Variants in PPEF2 observed in about 807,000 individuals in gnomAD.
PPEF2 encodes serine/threonine-protein phosphatase with EF-hands 2.
PPEF2 carries 84 observed loss-of-function variants against 84.7 expected under a neutral mutation model. That is an observed-to-expected ratio of 0.99 (90% CI 0.83 to 1.19). PPEF2 has a LOEUF of 1.19. Ranked by LOEUF, PPEF2 falls within the 50% of genes most tolerant of loss-of-function variation. The pLI is 0.00. For synonymous variants in PPEF2, 346 were observed against 345.2 expected (o/e 1.00, Z -0.03); for missense variants, 924 against 937.5 (o/e 0.99, Z 0.19).
Position 75,860,713 on chromosome 4 carries a change from GCTT to G in PPEF2, c.2213_2215del (p.Gln738_Ala739delinsPro), listed in dbSNP as rs1723976766. The G allele has an allele frequency of 1.2e-5, 19 of 1,614,118 alleles. No homozygotes were observed. The highest frequency in any genetic ancestry group is 1.5e-5 in the Non-Finnish European group (18 of 1,180,046). On this transcript the variant is annotated inframe_deletion, in exon 17 of 17. Transcript: ENST00000286719. ...GCAGCCACTGTCTTTAGCATTTGTA[GCTT>G]GTGGGCATTCTGAGGCATCGCCCTC...
At chr4:75,876,795 C>T (rs989638939) in intron 10 of PPEF2, 122 bp from the exon 11 acceptor site, 33 of 1,099,602 alleles carry the variant, frequency 3.0e-5, no homozygotes, top group South Asian at 6.5e-5. Flanking sequence ...CACTCAAGCC[C>T]GGGAGTTCAA....
rs182550882 is a variant in PPEF2, at chr4:75,863,130, A to T, written c.2008+1310T>A. Among the ~76,000 whole-genome samples the T allele has an allele frequency of 5.0e-4, 76 of 152,238 alleles. No homozygotes were observed. The East Asian group carries it at 7.1e-3, about 14-fold the overall frequency. On this transcript the variant is annotated intron_variant, in intron 16 of 16. Transcript: ENST00000286719. ...GAAAGTAGATTAGTGGTTGCCAGGG[A>T]CTCGTGGAGGAGGGATAGGGAATGA...
chr4:75,888,630 G>A (rs1724796687), intron 5 of PPEF2, among the ~76,000 whole-genome samples: 1 of 152,164 alleles, frequency 6.6e-6, no homozygotes, highest in Admixed American at 6.5e-5. Flanking sequence ...TTTCAGTAAA[G>A]TATGACTAAG....
chr4:75,865,504 C>T (rs759606177), intron 15 of PPEF2, among the ~76,000 whole-genome samples: 5 of 151,970 alleles, frequency 3.3e-5, no homozygotes, highest in South Asian at 4.2e-4. Flanking sequence ...TCTCCCACCT[C>T]GCCTCCCAAT....
chr4:75,860,666 C>T lies in PPEF2; in HGVS notation c.*1G>A. ...TTTGGGTGATGAAGACCAGGCTGTT[C>T]TTAGTGTGCACCTGGACTGCTGCAG... On this transcript the variant is annotated 3_prime_UTR_variant, in exon 17 of 17. Transcript: ENST00000286719. 1 of 1,613,852 alleles carries T rather than the reference C, an allele frequency of 6.2e-7. No individual in the cohort carries two copies. The highest frequency in any genetic ancestry group is 8.5e-7 in the Non-Finnish European group (1 of 1,179,934).
chr4:75,866,306 C>T lies in PPEF2; in HGVS notation c.1803G>A (p.Leu601=). 3 of 1,614,148 alleles carry T rather than the reference C, an allele frequency of 1.9e-6. No homozygotes were observed. Among genetic ancestry groups the T allele is most frequent in the Non-Finnish European group, 2.5e-6 (3 of 1,180,008 alleles). The stretch of plus-strand genomic sequence containing the variant: ...GCATCCGCCATGGCAGTCCTAGGTG[C>T]AACACAGACTCCACCGCTGCTGCCC... The part of the protein sequence containing the change: ...SDWAAAVESV[L]HLGLPWRMLR... The change falls in exon 15 of 17, where the codon TTG becomes TTA. Residue 601 remains leucine, a synonymous_variant. Coordinates refer to ENST00000286719, the MANE Select transcript of PPEF2 (RefSeq NM_006239.3).
Position 75,885,963 on chromosome 4 carries a change from C to T in PPEF2, c.579+889G>A, listed in dbSNP as rs576278956. On this transcript the variant is annotated intron_variant, in intron 7 of 16. Transcript: ENST00000286719. Reference sequence around the variant, plus strand: ...CGCGGAGGTTGCAGTGAGCCGAGATCGTGCCATTGCATTCCAGCCTCGGCG... The same window carrying T: ...CGCGGAGGTTGCAGTGAGCCGAGATTGTGCCATTGCATTCCAGCCTCGGCG... Among the ~76,000 whole-genome samples, 5 of 151,688 alleles carry T rather than the reference C, an allele frequency of 3.3e-5. No homozygotes were observed. In the South Asian group the frequency reaches 1.0e-3, roughly 32 times the overall value.
chr4:75,867,276 T>C (rs757139502), intron 14 of PPEF2, 37 bp downstream of exon 14: 1 of 1,526,548 alleles, frequency 6.6e-7, no homozygotes, highest in Non-Finnish European at 9.1e-7. Flanking sequence ...CTGGCTAGCT[T>C]CCTTCCTCTG....
intron 13 of PPEF2, 99 bp from the exon 14 acceptor site, chr4:75,867,518 G>A: frequency 1.1e-6 from 1 of 888,922 alleles, no homozygotes; most frequent in East Asian, 2.7e-5. Context: ...TAACATATCA[G>A]TCTCCCAAGA....
In PPEF2 at chr4:75,896,270, CCT is replaced by C. The variant is rs1725007601; in HGVS notation, c.54_55del (p.Arg18SerfsTer46). The C allele has an allele frequency of 6.2e-7, 1 of 1,614,010 alleles. No homozygotes were observed. Reference sequence around the variant, plus strand: ...TGGTTTGGAAAGTGGGAAACACGTACCTCTCTCTGCATTCTGGAAAGCAAAAT... The same window carrying C: ...TGGTTTGGAAAGTGGGAAACACGTACCTCTCTGCATTCTGGAAAGCAAAAT... On this transcript the variant is annotated frameshift_variant and splice_region_variant, in exon 2 of 17. Coordinates refer to ENST00000286719, the MANE Select transcript of PPEF2 (RefSeq NM_006239.3). LOFTEE classifies it high-confidence loss of function.
At chr4:75,888,103 T>A (rs1032998386) in intron 6 of PPEF2, 111 bp downstream of exon 6, 3 of 784,194 alleles carry the variant, frequency 3.8e-6, no homozygotes, top group Non-Finnish European at 6.6e-6. Flanking sequence ...GGGGTTAAAT[T>A]TGGCTTATCA....
rs761383219 is a variant in PPEF2 at position 75,884,739 on chromosome 4, G to A, written c.601C>T (p.Arg201Trp). The A allele has an allele frequency of 1.9e-5, 30 of 1,597,302 alleles. No homozygotes were observed. The highest frequency in any genetic ancestry group is 2.4e-5 in the Non-Finnish European group (28 of 1,174,338). ...FYKNGLPSPERSYVFNGDFVD... is the reference protein window; with the variant it reads ...FYKNGLPSPEWSYVFNGDFVD... ...AAGTCACCGTTGAACACATATGACC[G>A]TTCTGGCGACGGGAGGCCATTCTTT... The change falls in exon 8 of 17, where the codon CGG becomes TGG. Residue 201 changes from arginine (R) to tryptophan (W), a missense_variant. Coordinates refer to ENST00000286719, the MANE Select transcript of PPEF2 (RefSeq NM_006239.3).
intron 7 of PPEF2, among the ~76,000 whole-genome samples, chr4:75,886,009 T>TA (rs35789945): frequency 0.74 from 106,756 of 144,156 alleles, 39,735 homozygotes; most frequent in East Asian, 0.97. Context: ...AACTCTGTCT[T>TA]AAAAAAAAAA....
rs1243449386 is a variant in PPEF2, at chr4:75,873,029, G to C, written c.1506+98C>G. Reference sequence around the variant, plus strand: ...GTAGGTAACAAATACAAGGTCTGTAGGTTGTTAGAAACTGAGAGCCTTTGC... The same window carrying C: ...GTAGGTAACAAATACAAGGTCTGTACGTTGTTAGAAACTGAGAGCCTTTGC... On this transcript the variant is annotated intron_variant, in intron 12 of 16. Coordinates refer to ENST00000286719, the MANE Select transcript of PPEF2 (RefSeq NM_006239.3). The C allele has an allele frequency of 5.9e-6, 7 of 1,195,322 alleles. 1 individual carries two copies. The Middle Eastern group carries it at 6.7e-4, about 115-fold the overall frequency. The allele number at this position is 1,195,322 out of a possible 1,614,324, so 74.0% of individuals were successfully genotyped here.
intron 5 of PPEF2, 39 bp from the exon 6 acceptor site, chr4:75,888,367 T>C: frequency 6.9e-7 from 1 of 1,456,958 alleles, no homozygotes; most frequent in Non-Finnish European, 9.6e-7. Flanking sequence ...AAAACAACAC[T>C]GATATTCGTG....
intron 10 of PPEF2, 161 bp downstream of exon 10, chr4:75,882,765 T>G: frequency 1.4e-6 from 1 of 711,450 alleles, no homozygotes; most frequent in Non-Finnish European, 2.2e-6. Flanking sequence ...AGTGCTGAGT[T>G]TATAGGTGTG....
chr4:75,864,654 C>A, intron 15 of PPEF2, 127 bp from the exon 16 acceptor site: 1 of 706,772 alleles, frequency 1.4e-6, no homozygotes, highest in Admixed American at 2.2e-5. Flanking sequence ...TGCCATCCCT[C>A]CATTCCCTCT....
rs1724127280 is a variant in PPEF2, at chr4:75,866,237, C to T, written c.1872G>A (p.Glu624=). 6.2e-7 allele frequency: 1 copy of T among 1,614,108 alleles called. No individual in the cohort carries two copies. ...LVNSSADNML[E]YKSWLKNLAK... ...CCAAGTTCTTCAGCCAAGACTTGTA[C>T]TCCAGCATGTTGTCTGCTGAGCTGT... The change falls in exon 15 of 17, where the codon GAG becomes GAA. Residue 624 remains glutamate, a synonymous_variant. Transcript: ENST00000286719.
At chr4:75,882,801 C>T in intron 10 of PPEF2, 125 bp downstream of exon 10, 5 of 1,071,344 alleles carry the variant, frequency 4.7e-6, no homozygotes, top group Non-Finnish European at 6.7e-6. Flanking sequence ...CCTCCATACT[C>T]TTAATGGCCT....
Sources: allele counts gnomAD v4.1 joint callset (sites outside exome capture counted in the v4.1 genomes callset), GRCh38; gene constraint gnomAD v4.1.1; transcripts MANE v1.5; gene names NCBI Gene and HGNC (gene_info 2026-07-23, HGNC 2026-07-21).